The following CENPS variants were observed in gnomAD, a reference collection of about 807,000 sequenced individuals.
CENPS encodes the protein centromere protein S.
CENPS carries 16 observed loss-of-function variants against 17.9 expected under a neutral mutation model. That is an observed-to-expected ratio of 0.90 (90% CI 0.61 to 1.36). The LOEUF (loss-of-function observed/expected upper bound fraction) is 1.36. Among genes scored for constraint, CENPS ranks in the 40% most tolerant of loss-of-function variants. The probability of loss-of-function intolerance (pLI) is 0.00; values close to 1 mark genes in which losing one functional copy is unlikely to be tolerated. For missense variants in CENPS, 160 were observed against 158.6 expected, an observed-to-expected ratio of 1.01 and a Z score of -0.05; for synonymous variants, 49 against 55.8, an observed-to-expected ratio of 0.88 and a Z score of 0.54.
At chr1:10,442,081 T>A (rs1044277350) in intron 4 of CENPS, among the ~76,000 whole-genome samples, 184 bp from the exon 5 acceptor site, 13 of 136,526 alleles carry the variant, frequency 9.5e-5, no homozygotes, top group East Asian at 2.1e-4. Flanking sequence ...ACAAAAAATT[T>A]AAAAAAAAAG....
At chr1:10,432,003 CTT>C (rs1639942581) in intron 1 of CENPS, among the ~76,000 whole-genome samples, 1 of 151,916 alleles carries the variant, frequency 6.6e-6, no homozygotes, top group African/African-American at 2.4e-5. Context: ...TTTTAACTGT[CTT>C]TTTTCCTTCA....
At chr1:10,431,288 G>A in intron 1 of CENPS, 1 of 1,535,188 alleles carries the variant, frequency 6.5e-7, no homozygotes, top group Non-Finnish European at 8.7e-7. Context: ...AGAAACGCGG[G>A]AATGAGCTCC....
intron 3 of CENPS, among the ~76,000 whole-genome samples, chr1:10,435,768 C>T (rs191362190): frequency 2.4e-3 from 352 of 146,550 alleles, no homozygotes; most frequent in Middle Eastern, 7.3e-3. Flanking sequence ...AGAGACACAG[C>T]GTCTTGGTAT....
At chr1:10,437,534 G>A (rs1452924117) in intron 3 of CENPS, among the ~76,000 whole-genome samples, 5 of 149,482 alleles carry the variant, frequency 3.3e-5, no homozygotes, top group African/African-American at 9.9e-5. Flanking sequence ...TCAACTCACC[G>A]CAACCTTTGC....
In CENPS at chr1:10,430,972, C is replaced by G. The variant is rs543267057; in HGVS notation, c.51+404C>G. The G allele has an allele frequency of 5.8e-5, 74 of 1,265,114 alleles. No homozygotes were observed. In the African/African-American group the frequency reaches 1.1e-3, roughly 19 times the overall value. 78.4% of individuals were successfully genotyped at this position (1,265,114 alleles called of 1,614,324 possible). ...GGGCCGGAGCTCTGGAACGCTGGCCCTGGAGGCGTCGACCCCTCGTTACTG... is the reference window on the plus strand; with the variant it reads ...GGGCCGGAGCTCTGGAACGCTGGCCGTGGAGGCGTCGACCCCTCGTTACTG... On this transcript the variant is annotated intron_variant, in intron 1 of 4. Coordinates refer to ENST00000309048, the MANE Select transcript of CENPS (RefSeq NM_199294.3).
In CENPS at chr1:10,434,698, G is replaced by T. The variant is rs766156821; in HGVS notation, c.209+8G>T. On this transcript the variant is annotated splice_region_variant and intron_variant, in intron 3 of 4. Transcript: ENST00000309048. ...CCTTGAAATGTTTGCAAGGTGGGTA[G>T]AGAACTTGATTATCCGACACTGCGT... 6.2e-7 allele frequency: 1 copy of T among 1,604,736 alleles called. No individual in the cohort carries two copies. Among genetic ancestry groups the T allele is most frequent in the Non-Finnish European group, 8.5e-7 (1 of 1,177,374 alleles).
intron 4 of CENPS, 91 bp downstream of exon 4, chr1:10,440,504 G>C: frequency 1.3e-6 from 2 of 1,526,134 alleles, no homozygotes; most frequent in Non-Finnish European, 1.8e-6. Context: ...TATTCCCCAG[G>C]GCACCTTGCA....
chr1:10,436,666 C>T (rs1416349835), intron 3 of CENPS, among the ~76,000 whole-genome samples: 1 of 148,418 alleles, frequency 6.7e-6, no homozygotes, highest in African/African-American at 2.5e-5. Flanking sequence ...AGATCGTGCC[C>T]CTTCACTCCA....
intron 3 of CENPS, among the ~76,000 whole-genome samples, chr1:10,439,893 C>T (rs866681045): frequency 1.3e-5 from 2 of 152,182 alleles, no homozygotes; most frequent in African/African-American, 2.4e-5. Flanking sequence ...AGGATCTTGA[C>T]CTAAGTAAAG....
At chr1:10,438,280 G>T (rs1174410751) in intron 3 of CENPS, among the ~76,000 whole-genome samples, 1 of 152,162 alleles carries the variant, frequency 6.6e-6, no homozygotes, top group Non-Finnish European at 1.5e-5. Context: ...AAGTAGCTGG[G>T]ATTACAGGTG....
intron 3 of CENPS, among the ~76,000 whole-genome samples, chr1:10,437,082 C>T (rs905676960): frequency 6.6e-6 from 1 of 152,170 alleles, no homozygotes; most frequent in African/African-American, 2.4e-5. Context: ...GTTACATAGT[C>T]TCTGTAGGCT....
At chr1:10,435,704 T>TACACACACACACAC (rs1245329164) in intron 3 of CENPS, among the ~76,000 whole-genome samples, 4 of 143,646 alleles carry the variant, frequency 2.8e-5, no homozygotes, top group East Asian at 2.1e-4. Context: ...TTAAAAATAA[T>TACACACACACACAC]ATATATATAT....
intron 2 of CENPS, 36 bp downstream of exon 2, chr1:10,434,001 A>AC (rs1640041204): frequency 6.2e-7 from 1 of 1,612,996 alleles, no homozygotes. Context: ...ATGTCTGTAA[A>AC]CCCCAAAGGT....
rs749573201 is a variant in CENPS at position 10,433,917 on chromosome 1, A to G, written c.127A>G (p.Ser43Gly). 2 of 1,614,244 alleles carry G rather than the reference A, an allele frequency of 1.2e-6. No individual in the cohort carries two copies. The highest frequency in any genetic ancestry group is 2.2e-5 in the East Asian group (1 of 44,890). Reference sequence around the variant, plus strand: ...TGCATTGGACAAAGAGATGCAGTTCAGCAAACAGACCATTGCGGCCATTTC... The same window carrying G: ...TGCATTGGACAAAGAGATGCAGTTCGGCAAACAGACCATTGCGGCCATTTC... ...EVALDKEMQF[S>G]KQTIAAISEL... is the part of the protein sequence containing the mutation. Residue 43 changes from serine to glycine, a missense_variant, in exon 2 of 5, where the codon AGC becomes GGC. Physicochemically the swap from Ser to Gly is moderately conservative, Grantham distance 56 (BLOSUM62 0). Transcript: ENST00000309048.
At chr1:10,434,091 C>G (rs954149118) in intron 2 of CENPS, 126 bp downstream of exon 2, 2 of 1,500,774 alleles carry the variant, frequency 1.3e-6, no homozygotes, top group Admixed American at 2.1e-5. Context: ...CATCCTCATG[C>G]GTTCTTCGTG....
Position 10,430,486 on chromosome 1 carries a change from C to T in CENPS, c.-32C>T, listed in dbSNP as rs1009591798. 4.6e-6 allele frequency: 7 copies of T among 1,535,246 alleles called. No individual in the cohort carries two copies. In the African/African-American group the frequency reaches 5.7e-5, roughly 13 times the overall value. ...CGCGCACCACCGCCCCTTCTCGGCC[C>T]TCCTGCGTTTGCCCAGGGTCGGCCC... On this transcript the variant is annotated 5_prime_UTR_variant, in exon 1 of 5. Coordinates refer to ENST00000309048, the MANE Select transcript of CENPS (RefSeq NM_199294.3).
chr1:10,441,400 C>T (rs969290504), intron 4 of CENPS, among the ~76,000 whole-genome samples: 5 of 149,842 alleles, frequency 3.3e-5, no homozygotes, highest in Admixed American at 2.0e-4. Flanking sequence ...CTGCAGTCCC[C>T]GTCTCCTGGG....
intron 3 of CENPS, among the ~76,000 whole-genome samples, chr1:10,436,302 G>A (rs1002251487): frequency 4.5e-4 from 68 of 151,778 alleles, no homozygotes; most frequent in African/African-American, 1.6e-3. Context: ...CTTTTGCTGG[G>A]TACTGGTGGG....
intron 4 of CENPS, 73 bp from the exon 5 acceptor site, chr1:10,442,192 G>C: frequency 6.6e-7 from 1 of 1,519,598 alleles, no homozygotes; most frequent in Non-Finnish European, 8.7e-7. Context: ...GGAGGGTTTA[G>C]TTTCGTTTGT....
Sources: gnomAD v4.1 joint callset for allele counts (sites outside exome capture counted in the v4.1 genomes callset) on GRCh38, gnomAD v4.1.1 for gene constraint, MANE v1.5 for transcripts, NCBI Gene and HGNC (gene_info 2026-07-23, HGNC 2026-07-21) for gene names.